PRKG1: variants seen among roughly 807,000 people sequenced by gnomAD.
PRKG1 encodes protein kinase cGMP-dependent 1.
PRKG1 carries 35 observed loss-of-function variants against 88.1 expected under a neutral mutation model. The observed-to-expected ratio is 0.40, with a 90% CI of 0.30 to 0.53. PRKG1 has a LOEUF of 0.53. Ranked by LOEUF, PRKG1 falls within the 20% of genes least tolerant of loss-of-function variation. The pLI is 0.59. For missense variants in PRKG1, 540 were observed against 839.8 expected (o/e 0.64, Z 4.41); for synonymous variants, 303 against 292.5 (o/e 1.04, Z -0.37).
intron 5 of PRKG1, among the ~76,000 whole-genome samples, chr10:51,940,391 C>A (rs1308218148): frequency 1.3e-5 from 2 of 151,808 alleles, no homozygotes; most frequent in African/African-American, 4.8e-5. Context: ...AAGGTTAATC[C>A]TGGCTGCTCT....
intron 3 of PRKG1, among the ~76,000 whole-genome samples, chr10:51,763,199 G>A (rs982320284): frequency 6.6e-6 from 1 of 151,988 alleles, no homozygotes; most frequent in Non-Finnish European, 1.5e-5. Context: ...GTACTTGTAA[G>A]GATGTTACGT....
At chr10:51,530,209 G>C (rs559005463) in intron 3 of PRKG1, among the ~76,000 whole-genome samples, 1 of 152,220 alleles carries the variant, frequency 6.6e-6, no homozygotes, top group East Asian at 1.9e-4. Context: ...TTCAAATCAT[G>C]TATGTCTCAT....
At chr10:51,675,238 T>G (rs1305441424) in intron 3 of PRKG1, among the ~76,000 whole-genome samples, 1 of 152,224 alleles carries the variant, frequency 6.6e-6, no homozygotes, top group Non-Finnish European at 1.5e-5. Flanking sequence ...TGTTTTATTA[T>G]GACCACTATG....
intron 3 of PRKG1, among the ~76,000 whole-genome samples, chr10:51,493,172 G>GA (rs1216760607): frequency 6.6e-6 from 1 of 151,966 alleles, no homozygotes; most frequent in Non-Finnish European, 1.5e-5. Flanking sequence ...TGAATATTTA[G>GA]AAAAATCATT....
intron 2 of PRKG1, among the ~76,000 whole-genome samples, chr10:51,337,011 T>C (rs1841892643): frequency 6.6e-6 from 1 of 152,158 alleles, no homozygotes. Context: ...CTTCAAACCA[T>C]ATTATAAGGC....
At chr10:51,074,393 G>A, upstream of PRKG1, 1 of 1,377,766 alleles carries the variant, frequency 7.3e-7, no homozygotes, top group Non-Finnish European at 9.6e-7. Flanking sequence ...CCAGAGAAGT[G>A]GAATCTGCAC....
chr10:51,850,871 G>A (rs185254487), intron 4 of PRKG1, among the ~76,000 whole-genome samples: 33 of 152,022 alleles, frequency 2.2e-4, no homozygotes, highest in African/African-American at 4.1e-4. Context: ...ATTCTCATGC[G>A]TTTTAGATGT....
At chr10:51,515,990 T>C (rs1841569073) in intron 3 of PRKG1, among the ~76,000 whole-genome samples, 1 of 152,192 alleles carries the variant, frequency 6.6e-6, no homozygotes, top group Admixed American at 6.5e-5. Context: ...CCCTTTGCCT[T>C]GTCATGTGGG....
At chr10:51,430,325 G>A (rs532375023) in intron 2 of PRKG1, among the ~76,000 whole-genome samples, 50 of 152,242 alleles carry the variant, frequency 3.3e-4, no homozygotes, top group African/African-American at 1.2e-3. Context: ...AGAGGCAGAG[G>A]TGGGAGGATT....
rs185423696 is a variant in PRKG1, at chr10:51,690,685, T to G, written c.593-113900T>G. ...GCTCACACCTGTAATCCCAGCACTT[T>G]GGGAGGCCGAGGAGGGTGGATAAGG... is the stretch of plus-strand genomic sequence containing the variant. On this transcript the variant is annotated intron_variant, in intron 3 of 17. Transcript: ENST00000373980. Among the ~76,000 whole-genome samples the G allele has an allele frequency of 4.4e-3, 665 of 152,160 alleles. 2 individuals carry two copies. The highest frequency in any genetic ancestry group is 0.016 in the African/African-American group (644 of 41,504).
intron 5 of PRKG1, 192 bp downstream of exon 5, chr10:51,907,762 G>A: frequency 2.2e-6 from 1 of 459,650 alleles, no homozygotes; most frequent in Non-Finnish European, 3.8e-6. Flanking sequence ...GCAGAAAGGT[G>A]CAAATCAACC....
chr10:52,174,547 A>G lies in PRKG1; in HGVS notation c.1076+12584A>G, dbSNP rs573838970. On this transcript the variant is annotated intron_variant, in intron 9 of 17. Transcript: ENST00000373980. ...TTTAATTACTTATCAAGATGTGATT[A>G]CCGTACTTCAAATTTTAAAAAACCA... Among the ~76,000 whole-genome samples, 78 of 152,184 alleles carry G rather than the reference A, an allele frequency of 5.1e-4. 1 individual carries two copies. Among genetic ancestry groups the G allele is most frequent in the Admixed American group, 1.3e-3 (20 of 15,284 alleles).
chr10:51,015,652 C>T (rs1843048233), intron 1 of PRKG1, among the ~76,000 whole-genome samples: 1 of 152,128 alleles, frequency 6.6e-6, no homozygotes, highest in Admixed American at 6.6e-5. Flanking sequence ...TTTGGGAGGC[C>T]AAGGCAGGCA....
At chr10:51,132,491 C>T (rs1845589967) in intron 1 of PRKG1, among the ~76,000 whole-genome samples, 1 of 151,924 alleles carries the variant, frequency 6.6e-6, no homozygotes, top group Non-Finnish European at 1.5e-5. Flanking sequence ...TTTCTTGTGT[C>T]TTCCCTACAT....
At chr10:51,158,775 C>G (rs945206449) in intron 2 of PRKG1, among the ~76,000 whole-genome samples, 2 of 151,964 alleles carry the variant, frequency 1.3e-5, no homozygotes, top group Admixed American at 6.6e-5. Context: ...TATCTGCAAT[C>G]AATAGCATTG....
At chr10:52,133,668 G>A (rs41280416) in intron 7 of PRKG1, among the ~76,000 whole-genome samples, 172 bp from the exon 8 acceptor site, 2 of 152,204 alleles carry the variant, frequency 1.3e-5, no homozygotes, top group Non-Finnish European at 2.9e-5. Context: ...TTAATGACAA[G>A]GGTAAGATGA....
At chr10:51,685,548 T>C (rs1840966616) in intron 3 of PRKG1, among the ~76,000 whole-genome samples, 1 of 152,222 alleles carries the variant, frequency 6.6e-6, no homozygotes, top group Non-Finnish European at 1.5e-5. Context: ...TATTATAGTC[T>C]CTTTCCATCA....
chr10:51,082,898 C>A (rs1844149438), intron 1 of PRKG1, among the ~76,000 whole-genome samples: 1 of 152,142 alleles, frequency 6.6e-6, no homozygotes, highest in African/African-American at 2.4e-5. Context: ...CTGGGCACCA[C>A]CTCCAGAGCC....
intron 2 of PRKG1, among the ~76,000 whole-genome samples, chr10:51,455,578 T>A (rs1346367479): frequency 5.3e-5 from 8 of 152,154 alleles, no homozygotes; most frequent in Non-Finnish European, 1.2e-4. Context: ...CCCTAAATCA[T>A]CTCCCTCAAG....
Sources: gnomAD v4.1 joint callset for allele counts (sites outside exome capture counted in the v4.1 genomes callset) on GRCh38, gnomAD v4.1.1 for gene constraint, MANE v1.5 for transcripts, NCBI Gene and HGNC (gene_info 2026-07-23, HGNC 2026-07-21) for gene names.